Variants in MMS22L observed in about 807,000 individuals in gnomAD.
MMS22L encodes the protein MMS22 like, DNA repair protein.
MMS22L carries 74 observed loss-of-function variants against 159.1 expected under a neutral mutation model. That is an observed-to-expected ratio of 0.47 (90% CI 0.39 to 0.56). The LOEUF (loss-of-function observed/expected upper bound fraction) is 0.56, where lower values mean the gene tolerates loss of function less well. Ranked by LOEUF, MMS22L falls within the 20% of genes least tolerant of loss-of-function variation. The probability of loss-of-function intolerance (pLI) is 0.00; values close to 1 mark genes in which losing one functional copy is unlikely to be tolerated. For synonymous variants in MMS22L, 517 were observed against 506.9 expected (o/e 1.02, Z -0.27); for missense variants, 1,351 against 1,422.1 (o/e 0.95, Z 0.80).
At chr6:97,220,353 T>C (rs1364036556) in intron 14 of MMS22L, among the ~76,000 whole-genome samples, 1 of 152,108 alleles carries the variant, frequency 6.6e-6, no homozygotes, top group Non-Finnish European at 1.5e-5. Flanking sequence ...TCTATTAGAG[T>C]GTCACTAAAA....
At chr6:97,280,892 A>G (rs1201965065) in intron 3 of MMS22L, among the ~76,000 whole-genome samples, 1 of 152,220 alleles carries the variant, frequency 6.6e-6, no homozygotes, top group Non-Finnish European at 1.5e-5. Flanking sequence ...TACACAGTCT[A>G]AACAATTTAT....
intron 14 of MMS22L, among the ~76,000 whole-genome samples, chr6:97,197,814 A>G (rs1806701725): frequency 6.6e-6 from 1 of 152,174 alleles, no homozygotes; most frequent in Non-Finnish European, 1.5e-5. Flanking sequence ...GGAAGAGACC[A>G]CCAATCTATC....
chr6:97,201,652 G>A (rs546853196), intron 14 of MMS22L, among the ~76,000 whole-genome samples: 17 of 152,320 alleles, frequency 1.1e-4, no homozygotes, highest in Middle Eastern at 3.4e-3. Flanking sequence ...ATGGTGACCC[G>A]CGTGTGTGGG....
intron 14 of MMS22L, among the ~76,000 whole-genome samples, chr6:97,218,666 G>C (rs1052848277): frequency 6.6e-6 from 1 of 152,160 alleles, no homozygotes; most frequent in African/African-American, 2.4e-5. Flanking sequence ...GGACATTAGA[G>C]ATTTAGTAAC....
intron 14 of MMS22L, among the ~76,000 whole-genome samples, chr6:97,215,190 A>T (rs1281889948): frequency 6.7e-6 from 1 of 150,268 alleles, no homozygotes; most frequent in Non-Finnish European, 1.5e-5. Context: ...AACAAGGAGG[A>T]TTTTTTCTTT....
intron 11 of MMS22L, among the ~76,000 whole-genome samples, chr6:97,244,865 C>T (rs1269989584): frequency 1.3e-5 from 2 of 152,152 alleles, no homozygotes; most frequent in South Asian, 2.1e-4. Context: ...GGGCTTGATG[C>T]GACCACTGTG....
At chr6:97,255,765 G>C (rs1251800189) in intron 9 of MMS22L, among the ~76,000 whole-genome samples, 1 of 95,292 alleles carries the variant, frequency 1.0e-5, no homozygotes, top group Non-Finnish European at 2.7e-5. Context: ...CTATGCATGT[G>C]TATTTCTCCT....
intron 9 of MMS22L, among the ~76,000 whole-genome samples, chr6:97,262,841 A>G (rs2128075642): frequency 6.6e-6 from 1 of 152,272 alleles, no homozygotes; most frequent in African/African-American, 2.4e-5. Flanking sequence ...AATAACCTAC[A>G]GCACTTGAAA....
intron 10 of MMS22L, 66 bp from the exon 11 acceptor site, chr6:97,246,756 G>A (rs1013905762): frequency 5.2e-6 from 6 of 1,143,124 alleles, no homozygotes; most frequent in South Asian, 1.4e-5. Flanking sequence ...TAAAATTAGG[G>A]TATAGCAAAT....
chr6:97,227,138 ATTAAAT>A (rs1810353026), intron 14 of MMS22L, among the ~76,000 whole-genome samples: 1 of 152,070 alleles, frequency 6.6e-6, no homozygotes, highest in South Asian at 2.1e-4. Context: ...TAATTAACAC[ATTAAAT>A]TTAAAGTACT....
chr6:97,203,871 C>A (rs2127905003), intron 14 of MMS22L, among the ~76,000 whole-genome samples: 1 of 152,176 alleles, frequency 6.6e-6, no homozygotes, highest in Non-Finnish European at 1.5e-5. Context: ...TAAATTTTCC[C>A]CCACAATATT....
intron 6 of MMS22L, chr6:97,270,674 T>C (rs530615036): frequency 6.4e-6 from 1 of 156,688 alleles, no homozygotes; most frequent in East Asian, 1.9e-4. Flanking sequence ...ACCTGCCTTA[T>C]TAGGTATACA....
intron 18 of MMS22L, among the ~76,000 whole-genome samples, chr6:97,175,790 A>G (rs1258148790): frequency 6.6e-6 from 1 of 152,218 alleles, no homozygotes; most frequent in African/African-American, 2.4e-5. Context: ...TGAAAGCTTG[A>G]ATTATATTAT....
At chr6:97,236,092 C>A (rs531298197) in intron 11 of MMS22L, among the ~76,000 whole-genome samples, 1 of 152,174 alleles carries the variant, frequency 6.6e-6, no homozygotes, top group South Asian at 2.1e-4. Flanking sequence ...CTTTGGGAGA[C>A]CGAGCTGGGT....
chr6:97,191,117 C>T (rs1223630755), intron 14 of MMS22L, among the ~76,000 whole-genome samples: 1 of 152,108 alleles, frequency 6.6e-6, no homozygotes, highest in Admixed American at 6.5e-5. Context: ...GTTTACTTAT[C>T]CATTTTGCCC....
At chr6:97,235,170 A>T (rs1811266726) in intron 11 of MMS22L, among the ~76,000 whole-genome samples, 1 of 152,208 alleles carries the variant, frequency 6.6e-6, no homozygotes, top group Admixed American at 6.5e-5. Context: ...TATAAGACTG[A>T]AACTTTAAAG....
chr6:97,231,633 G>GAAAT lies in MMS22L; in HGVS notation c.1318_1321dup (p.Ser441TyrfsTer7). Reference sequence around the variant, plus strand: ...AGCAAGGCCTTTAAAAGGAAGCCAAGAAATACTGAAGGAACTATTCTAAAA... The same window carrying GAAAT: ...AGCAAGGCCTTTAAAAGGAAGCCAAGAAATAAATACTGAAGGAACTATTCTAAAA... On this transcript the variant is annotated frameshift_variant, in exon 13 of 25. Transcript: ENST00000683635. LOFTEE classifies it high-confidence loss of function. 1 of 1,608,160 alleles carries GAAAT rather than the reference G, an allele frequency of 6.2e-7. No individual in the cohort carries two copies.
intron 8 of MMS22L, chr6:97,265,054 T>C (rs1814940108): frequency 6.6e-6 from 1 of 152,104 alleles, no homozygotes; most frequent in African/African-American, 2.4e-5. Flanking sequence ...ATCCTAAAAT[T>C]GGTAGGAAAT....
intron 14 of MMS22L, among the ~76,000 whole-genome samples, chr6:97,197,683 G>T (rs1478416737): frequency 6.6e-6 from 1 of 152,234 alleles, no homozygotes; most frequent in African/African-American, 2.4e-5. Flanking sequence ...AATTCTCATA[G>T]AAGAAAAAAG....
Sources: gnomAD v4.1 joint callset for allele counts (sites outside exome capture counted in the v4.1 genomes callset) on GRCh38, gnomAD v4.1.1 for gene constraint, MANE v1.5 for transcripts, NCBI Gene and HGNC (gene_info 2026-07-23, HGNC 2026-07-21) for gene names.